BBS12: variants seen among roughly 807,000 people sequenced by gnomAD.
The protein encoded by BBS12 is Bardet-Biedl syndrome 12.
In BBS12, 5 loss-of-function variants were observed where a neutral mutation model predicts 5.6. That is an observed-to-expected ratio of 0.89 (90% confidence interval 0.46 to 1.86). The LOEUF (loss-of-function observed/expected upper bound fraction) is 1.86. Among genes scored for constraint, BBS12 ranks in the 40% most tolerant of loss-of-function variants. The probability of loss-of-function intolerance (pLI) is 0.01; values close to 1 mark genes in which losing one functional copy is unlikely to be tolerated. For missense variants in BBS12, 748 were observed against 830.4 expected (o/e 0.90, Z 1.22); for synonymous variants, 308 against 306.8 (o/e 1.00, Z -0.04).
chr4:122,742,574 C>T lies in BBS12; in HGVS notation c.682C>T (p.Gln228Ter), dbSNP rs769588983. 1.6e-5 allele frequency: 26 copies of T among 1,614,226 alleles called. No homozygotes were observed. The highest frequency in any genetic ancestry group is 2.1e-5 in the Non-Finnish European group (25 of 1,180,038). ...CCTGCTTGCAGATACCTGCTGCAGA[C>T]AGTCAATACTAATCCACAGTAGGCA... Reference protein sequence around the residue: ...NSLLADTCCRQSILIHSRHFN... With the variant: ...NSLLADTCCR The change falls in exon 2 of 2, where the codon CAG (glutamine) becomes TAG (stop). Residue 228 changes from glutamine to a stop codon, truncating the protein, a stop_gained. Coordinates refer to ENST00000314218, the MANE Select transcript of BBS12 (RefSeq NM_152618.3). LOFTEE classifies it low-confidence loss of function (END_TRUNC).
At chr4:122,716,713 A>G in the BBS12 span, among the ~76,000 whole-genome samples, 6,262 of 121,080 alleles carry the variant, frequency 0.052, 759 homozygotes, top group African/African-American at 0.17. Flanking sequence ...ATACATACAC[A>G]TATGTGTGTA....
rs1477941602 is a variant in BBS12, at chr4:122,742,852, A to G, written c.960A>G (p.Leu320=). 6.2e-7 allele frequency: 1 copy of G among 1,614,228 alleles called. No homozygotes were observed. The highest frequency in any genetic ancestry group is 1.7e-5 in the Admixed American group (1 of 60,024). ...TTTCAAGAATTTTCACTTGCTGTCT[A>G]CCAGGCTTACCTGAAACTTCTTCTT... ...FDISRIFTCC[L]PGLPETSSCV... The change falls in exon 2 of 2, where the codon CTA becomes CTG. Residue 320 remains leucine (L), a synonymous_variant. Transcript: ENST00000314218.
intron 1 of BBS12, among the ~76,000 whole-genome samples, chr4:122,739,314 T>C (rs1056280182): frequency 1.3e-5 from 2 of 152,120 alleles, no homozygotes; most frequent in South Asian, 2.1e-4. Context: ...CCCTCATACA[T>C]TGTTGGTGGG....
At chr4:122,727,267 C>T in the BBS12 span, among the ~76,000 whole-genome samples, 5 of 151,972 alleles carry the variant, frequency 3.3e-5, no homozygotes, top group African/African-American at 7.3e-5. Context: ...TTTTTGGAGA[C>T]GGAGTCTCGC....
the BBS12 span, among the ~76,000 whole-genome samples, chr4:122,704,988 G>T: frequency 1.3e-5 from 2 of 152,318 alleles, no homozygotes; most frequent in South Asian, 2.1e-4. Context: ...TTGGGCAACT[G>T]AAGGAAGTGG....
chr4:122,709,104 A>G, the BBS12 span, among the ~76,000 whole-genome samples: 3 of 151,748 alleles, frequency 2.0e-5, 1 homozygote, highest in East Asian at 5.8e-4. Flanking sequence ...TACATATAAT[A>G]ATCAACAAAA....
chr4:122,732,939 G>A (rs1800722171), intron 1 of BBS12, 55 bp downstream of exon 1: 1 of 152,380 alleles, frequency 6.6e-6, no homozygotes, highest in Non-Finnish European at 1.5e-5. Flanking sequence ...CTGAAGACGT[G>A]GGAGCCCGTG....
At chr4:122,730,471 A>C (rs1800682658), upstream of BBS12, 1 of 152,250 alleles carries the variant, frequency 6.6e-6, no homozygotes, top group South Asian at 2.1e-4. Flanking sequence ...AAATGAATAC[A>C]TTCAGATATT....
rs1800906634 is a variant in BBS12, at chr4:122,742,912, A to G, written c.1020A>G (p.Val340=). 6.2e-7 allele frequency: 1 copy of G among 1,614,232 alleles called. No individual in the cohort carries two copies. The change falls in exon 2 of 2, where the codon GTA becomes GTG. Residue 340 remains valine, a synonymous_variant. Coordinates refer to ENST00000314218, the MANE Select transcript of BBS12 (RefSeq NM_152618.3). Reference sequence around the variant, plus strand: ...CAGGATATATCACTGTTGTGTCAGTATCTAATAATCCTGTGATCAAGGAAT... The same window carrying G: ...CAGGATATATCACTGTTGTGTCAGTGTCTAATAATCCTGTGATCAAGGAAT... ...VCPGYITVVS[V]SNNPVIKELQ...
At chr4:122,723,320 T>C in the BBS12 span, among the ~76,000 whole-genome samples, 1 of 152,238 alleles carries the variant, frequency 6.6e-6, no homozygotes, top group African/African-American at 2.4e-5. Flanking sequence ...TAAAAATGCT[T>C]TTCCTTAAAT....
chr4:122,727,847 A>G (rs2150729154), upstream of BBS12, among the ~76,000 whole-genome samples: 1 of 152,098 alleles, frequency 6.6e-6, no homozygotes, highest in African/African-American at 2.4e-5. Context: ...CCAGCCACAA[A>G]CCAATAAATT....
chr4:122,740,284 GA>G (rs1800848003), intron 1 of BBS12, among the ~76,000 whole-genome samples: 1 of 152,020 alleles, frequency 6.6e-6, no homozygotes, highest in African/African-American at 2.4e-5. Flanking sequence ...AAAATAAAAA[GA>G]ATGCTAATCA....
At chr4:122,711,892 C>T in the BBS12 span, among the ~76,000 whole-genome samples, 20 of 152,250 alleles carry the variant, frequency 1.3e-4, no homozygotes, top group African/African-American at 4.6e-4. Flanking sequence ...AGTGGATTAA[C>T]CAGGTGTGGG....
chr4:122,710,011 T>A, the BBS12 span, among the ~76,000 whole-genome samples: 1 of 152,132 alleles, frequency 6.6e-6, no homozygotes, highest in Non-Finnish European at 1.5e-5. Context: ...TGCTATGAAA[T>A]AGAAATTGAG....
chr4:122,725,377 T>C, the BBS12 span, among the ~76,000 whole-genome samples: 1 of 152,108 alleles, frequency 6.6e-6, no homozygotes, highest in East Asian at 1.9e-4. Context: ...TATAAGCCCA[T>C]AGTCACCACA....
At chr4:122,736,860 T>C (rs897555995) in intron 1 of BBS12, among the ~76,000 whole-genome samples, 12 of 152,192 alleles carry the variant, frequency 7.9e-5, no homozygotes, top group Non-Finnish European at 1.5e-4. Context: ...CTGTTCAAAA[T>C]AATAATTTAG....
At chr4:122,727,821 G>A (rs1234139268), upstream of BBS12, among the ~76,000 whole-genome samples, 2 of 151,976 alleles carry the variant, frequency 1.3e-5, no homozygotes, top group Non-Finnish European at 2.9e-5. Flanking sequence ...GCGATTATAG[G>A]TGTGAGCCAC....
chr4:122,735,809 AAAAT>A (rs1425702730), intron 1 of BBS12, among the ~76,000 whole-genome samples: 2 of 152,232 alleles, frequency 1.3e-5, no homozygotes, highest in African/African-American at 2.4e-5. Context: ...TAGTCTATAA[AAAAT>A]AAATAAGTAA....
At chr4:122,704,977 T>C in the BBS12 span, among the ~76,000 whole-genome samples, 1 of 152,178 alleles carries the variant, frequency 6.6e-6, no homozygotes, top group Non-Finnish European at 1.5e-5. Context: ...TATGACTTGG[T>C]TTGGGCAACT....
Sources: allele counts gnomAD v4.1 joint callset (sites outside exome capture counted in the v4.1 genomes callset), GRCh38; gene constraint gnomAD v4.1.1; transcripts MANE v1.5; gene names NCBI Gene and HGNC (gene_info 2026-07-23, HGNC 2026-07-21).